The following CELF4 variants were observed in gnomAD, a reference collection of about 807,000 sequenced individuals.
The protein encoded by CELF4 is CUG-BP- and ETR-3-like factor 4.
Under a neutral mutation model 59.9 loss-of-function variants are expected in CELF4, and 18 were observed. The ratio of observed to expected loss-of-function variants is 0.30; its 90% CI spans 0.21 to 0.45. CELF4 has a LOEUF of 0.45. CELF4 is among the 20% of genes least tolerant of loss of function. The pLI, the probability that CELF4 is intolerant of heterozygous loss-of-function variation, is 1.00. For synonymous variants in CELF4, 261 were observed against 267.1 expected (o/e 0.98, Z 0.22); for missense variants, 456 against 689.0 (o/e 0.66, Z 3.79).
chr18:37,386,289 A>G (rs545730397), intron 2 of CELF4, among the ~76,000 whole-genome samples: 2 of 152,376 alleles, frequency 1.3e-5, no homozygotes, highest in East Asian at 3.9e-4. Flanking sequence ...TAATTAACTC[A>G]ATGAAGAGGA....
At chr18:37,357,513 T>G (rs1379795663) in intron 2 of CELF4, among the ~76,000 whole-genome samples, 2 of 152,204 alleles carry the variant, frequency 1.3e-5, no homozygotes, top group Admixed American at 6.5e-5. Flanking sequence ...GGAGAACCTC[T>G]GCTAGGGCAG....
chr18:37,489,429 G>A (rs2099892571), intron 1 of CELF4, among the ~76,000 whole-genome samples: 1 of 152,146 alleles, frequency 6.6e-6, no homozygotes, highest in African/African-American at 2.4e-5. Flanking sequence ...GGCCGGGGAA[G>A]AAAGGGTGCC....
intron 2 of CELF4, among the ~76,000 whole-genome samples, chr18:37,451,148 A>G (rs2099762467): frequency 6.6e-6 from 1 of 152,218 alleles, no homozygotes; most frequent in African/African-American, 2.4e-5. Flanking sequence ...GTCCCACTGC[A>G]GAGGACATGG....
rs1557282748 is a variant in CELF4 at position 37,338,794 on chromosome 18, G to GT, written c.370-16914_370-16913insA. On this transcript the variant is annotated intron_variant, in intron 2 of 12. Transcript: ENST00000420428. The stretch of plus-strand genomic sequence containing the variant: ...TGTGTGTGTGTGTGTGTGTGTGTGT[G>GT]GTGTGTGTGATCTACCTTCACAGGG... Among the ~76,000 whole-genome samples the GT allele has an allele frequency of 3.3e-4, 34 of 103,688 alleles. No individual in the cohort carries two copies. In the Middle Eastern group the frequency reaches 0.016, roughly 50 times the overall value. The allele number at this position is 103,688 out of a possible 152,430, so 68.0% of individuals were successfully genotyped here.
chr18:37,359,624 G>T (rs1465215364), intron 2 of CELF4, among the ~76,000 whole-genome samples: 1 of 152,176 alleles, frequency 6.6e-6, no homozygotes, highest in African/African-American at 2.4e-5. Flanking sequence ...TTATAAGCAT[G>T]AGCCCTCTGT....
At chr18:37,278,428 A>G (rs965931764) in intron 3 of CELF4, among the ~76,000 whole-genome samples, 1 of 152,114 alleles carries the variant, frequency 6.6e-6, no homozygotes, top group African/African-American at 2.4e-5. Flanking sequence ...GAGTGATTCT[A>G]AGGCTTGTCT....
chr18:37,402,329 TG>T (rs2099338120), intron 2 of CELF4, among the ~76,000 whole-genome samples: 1 of 152,198 alleles, frequency 6.6e-6, no homozygotes, highest in Non-Finnish European at 1.5e-5. Flanking sequence ...GCCCCAAGGA[TG>T]CTCGCTCTTG....
intron 1 of CELF4, among the ~76,000 whole-genome samples, chr18:37,542,140 T>A (rs1022161959): frequency 6.6e-6 from 1 of 152,190 alleles, no homozygotes; most frequent in Non-Finnish European, 1.5e-5. Context: ...CTCATAAATG[T>A]GTTTCCTGGA....
At chr18:37,483,358 C>T (rs1033015655) in intron 2 of CELF4, among the ~76,000 whole-genome samples, 1 of 152,180 alleles carries the variant, frequency 6.6e-6, no homozygotes, top group Admixed American at 6.5e-5. Context: ...TTTATTCCTG[C>T]CCCTCCCTCT....
intron 1 of CELF4, among the ~76,000 whole-genome samples, chr18:37,547,697 C>T (rs1603643894): frequency 6.6e-6 from 1 of 152,160 alleles, no homozygotes; most frequent in African/African-American, 2.4e-5. Context: ...CCTGTGTTCC[C>T]GTCTCCCTTC....
Position 37,266,386 on chromosome 18 carries a change from G to GT in CELF4, c.1165+146dup. Reference sequence around the variant, plus strand: ...CGCTGACAAGAAGGCAGCCTGGAGGGTCTCTGCCAGCACAGCCCTCCCTCT... The same window carrying GT: ...CGCTGACAAGAAGGCAGCCTGGAGGGTTCTCTGCCAGCACAGCCCTCCCTCT... On this transcript the variant is annotated intron_variant, in intron 9 of 12. Transcript: ENST00000420428. 5.9e-6 allele frequency: 5 copies of GT among 853,932 alleles called. No individual in the cohort carries two copies. In the South Asian group the frequency reaches 7.9e-5, roughly 13 times the overall value. The allele number at this position is 853,932 out of a possible 1,614,324, so 52.9% of individuals were successfully genotyped here. A position where few individuals can be genotyped will look rare whatever the true frequency, so the allele number is the denominator to read the frequency against.
chr18:37,473,843 T>C (rs531598206), intron 2 of CELF4: 50 of 152,366 alleles, frequency 3.3e-4, no homozygotes, highest in African/African-American at 1.0e-3. Flanking sequence ...AGCACAGATT[T>C]GTTCATGGAA....
intron 1 of CELF4, among the ~76,000 whole-genome samples, chr18:37,489,961 G>T (rs2099895554): frequency 6.6e-6 from 1 of 152,154 alleles, no homozygotes; most frequent in African/African-American, 2.4e-5. Flanking sequence ...TCACAGTGGA[G>T]TCGGCAAGGA....
At chr18:37,489,824 T>G (rs1014493656) in intron 1 of CELF4, among the ~76,000 whole-genome samples, 14 of 152,170 alleles carry the variant, frequency 9.2e-5, no homozygotes, top group African/African-American at 3.1e-4. Flanking sequence ...CGCTGAGGCT[T>G]GAGAAGGTCT....
rs1003961291 is a variant in CELF4 at position 37,270,677 on chromosome 18, G to A, written c.1099+91C>T. ...TTCATCAAGGAATGGACAGAGGGCAGGAGCCACATCTTGTTATAACAGCAA... is the reference window on the plus strand; with the variant it reads ...TTCATCAAGGAATGGACAGAGGGCAAGAGCCACATCTTGTTATAACAGCAA... On this transcript the variant is annotated intron_variant, in intron 8 of 12. Transcript: ENST00000420428. 3 of 1,473,964 alleles carry A rather than the reference G, an allele frequency of 2.0e-6. No homozygotes were observed. The African/African-American group carries it at 4.2e-5, about 21-fold the overall frequency. 91.3% of individuals were successfully genotyped at this position (1,473,964 alleles called of 1,614,324 possible).
chr18:37,434,445 C>T (rs1480129567), intron 2 of CELF4, among the ~76,000 whole-genome samples: 1 of 152,214 alleles, frequency 6.6e-6, no homozygotes, highest in Non-Finnish European at 1.5e-5. Flanking sequence ...TACCAGTCAC[C>T]TTCATGGGGC....
chr18:37,504,403 GA>G (rs1277148676), intron 1 of CELF4, among the ~76,000 whole-genome samples: 3 of 146,400 alleles, frequency 2.0e-5, no homozygotes, highest in Admixed American at 7.0e-5. Flanking sequence ...GCAGTGAGCC[GA>G]GATCACGCCA....
chr18:37,407,971 A>G lies in CELF4; in HGVS notation c.369+77554T>C, dbSNP rs540173947. ...TTTTACATTGATTTTGGGAAAAAAA[A>G]GGATTTTTAAAAGGACTGGTTAAAC... On this transcript the variant is annotated intron_variant, in intron 2 of 12. Coordinates refer to ENST00000420428, the MANE Select transcript of CELF4 (RefSeq NM_020180.4). 5.9e-5 allele frequency among the ~76,000 whole-genome samples: 9 copies of G among 152,304 alleles called. No homozygotes were observed. In the East Asian group the frequency reaches 1.7e-3, roughly 29 times the overall value.
chr18:37,391,587 C>A (rs573138049), intron 2 of CELF4, among the ~76,000 whole-genome samples: 7 of 152,254 alleles, frequency 4.6e-5, no homozygotes, highest in African/African-American at 1.7e-4. Context: ...CTATCTCCCC[C>A]ATCAGACCAT....
Sources: allele counts gnomAD v4.1 joint callset (sites outside exome capture counted in the v4.1 genomes callset), GRCh38; gene constraint gnomAD v4.1.1; transcripts MANE v1.5; gene names NCBI Gene and HGNC (gene_info 2026-07-23, HGNC 2026-07-21).